NTRK1: variants seen among roughly 807,000 people sequenced by gnomAD.
NTRK1 encodes the protein high affinity nerve growth factor receptor.
Under a neutral mutation model 86.8 loss-of-function variants are expected in NTRK1, and 62 were observed. That is an observed-to-expected ratio of 0.71 (90% CI 0.58 to 0.88). The LOEUF (loss-of-function observed/expected upper bound fraction) is 0.88, where lower values mean the gene tolerates loss of function less well. NTRK1 is among the 40% of genes least tolerant of loss of function. NTRK1 has a pLI of 0.00. For synonymous variants in NTRK1, 469 were observed against 456.6 expected (o/e 1.03, Z -0.35); for missense variants, 967 against 1,078.4 (o/e 0.90, Z 1.45).
intron 1 of NTRK1, among the ~76,000 whole-genome samples, chr1:156,829,756 G>A (rs1654418690): frequency 6.6e-6 from 1 of 152,110 alleles, no homozygotes; most frequent in Non-Finnish European, 1.5e-5. Flanking sequence ...GGTTCTAAGG[G>A]ATTCTCCTAC....
At chr1:156,847,714 G>C (rs1471142873) in intron 2 of NTRK1, among the ~76,000 whole-genome samples, 1 of 152,058 alleles carries the variant, frequency 6.6e-6, no homozygotes, top group African/African-American at 2.4e-5. Flanking sequence ...CAGGTGTCCT[G>C]TGAGGCATGA....
intron 6 of NTRK1, among the ~76,000 whole-genome samples, chr1:156,868,982 A>T (rs540486166): frequency 6.6e-6 from 1 of 150,440 alleles, no homozygotes; most frequent in Non-Finnish European, 1.5e-5. Context: ...AGAGGAACCC[A>T]ACAGACCATC....
intron 8 of NTRK1, 122 bp from the exon 9 acceptor site, chr1:156,874,261 A>G (rs1281296807): frequency 1.4e-6 from 2 of 1,463,422 alleles, no homozygotes; most frequent in Non-Finnish European, 1.9e-6. Flanking sequence ...GCCCACCTCC[A>G]TCCCCCCTCG....
At chr1:156,872,066 G>A (rs975812045) in intron 7 of NTRK1, among the ~76,000 whole-genome samples, 1 of 152,034 alleles carries the variant, frequency 6.6e-6, no homozygotes, top group South Asian at 2.1e-4. Context: ...TCCCTCATCG[G>A]GTCCTTCTCC....
chr1:156,875,119 C>T (rs571020968), intron 11 of NTRK1, 111 bp downstream of exon 11: 116 of 820,054 alleles, frequency 1.4e-4, no homozygotes, highest in East Asian at 1.1e-3. Context: ...AGTTCCAGGG[C>T]GTGTGAGTGT....
At chr1:156,870,253 A>C (rs1387120520) in intron 6 of NTRK1, among the ~76,000 whole-genome samples, 1 of 152,158 alleles carries the variant, frequency 6.6e-6, no homozygotes, top group Non-Finnish European at 1.5e-5. Context: ...CTACCTATAC[A>C]AAAGTCACTC....
intron 2 of NTRK1, chr1:156,845,260 G>A (rs1395101420): frequency 6.2e-7 from 1 of 1,611,992 alleles, no homozygotes; most frequent in East Asian, 2.2e-5. Context: ...CCCCCAGCCG[G>A]AGGGGCCCAG....
intron 12 of NTRK1, 48 bp from the exon 13 acceptor site, chr1:156,876,032 A>C (rs768902933): frequency 6.2e-7 from 1 of 1,613,880 alleles, no homozygotes; most frequent in East Asian, 2.2e-5. Context: ...CTACAACCCC[A>C]GCCCTCCCAA....
rs1654792512 is a variant in NTRK1 at position 156,841,719 on chromosome 1, C to T, written c.-63-362C>T. 7 of 1,614,146 alleles carry T rather than the reference C, an allele frequency of 4.3e-6. No individual in the cohort carries two copies. The East Asian group carries it at 1.6e-4, about 36-fold the overall frequency. ...ATCTTTGAGGGACTCGGGGGCCATC[C>T]AGCGCACGGGCAGCAGCCCCTTCCC... On this transcript the variant is annotated intron_variant, in intron 1 of 16. Transcript: ENST00000392302.
intron 7 of NTRK1, among the ~76,000 whole-genome samples, chr1:156,872,905 C>T (rs1184468421): frequency 6.6e-6 from 1 of 151,988 alleles, no homozygotes; most frequent in Non-Finnish European, 1.5e-5. Flanking sequence ...TCTCGATCTC[C>T]TGACCTCGTG....
At position 156,845,066 on chromosome 1, in the gene NTRK1, G is replaced by T. The variant is rs970525099; in HGVS notation, c.50+2873G>T. 5.6e-6 allele frequency: 9 copies of T among 1,598,944 alleles called. No individual in the cohort carries two copies. The African/African-American group carries it at 9.4e-5, about 17-fold the overall frequency. ...GATGGGGGTAGAAGGTGTGTGTGTG[G>T]ATCACCTACTGTGGGGCATGGTGCG... On this transcript the variant is annotated intron_variant, in intron 2 of 16. Transcript: ENST00000392302.
At chr1:156,849,470 GCCAGGGGACCTTGCTCTGC>G in intron 2 of NTRK1, 1 of 1,269,646 alleles carries the variant, frequency 7.9e-7, no homozygotes, top group Non-Finnish European at 1.1e-6. Context: ...CCTGGGGGAG[GCCAGGGGACCTTGCTCTGC>G]GGGGAGGTGG....
At chr1:156,849,530 G>A (rs1215881201) in intron 2 of NTRK1, 1 of 1,150,368 alleles carries the variant, frequency 8.7e-7, no homozygotes, top group Non-Finnish European at 1.3e-6. Flanking sequence ...GATGGCTTAT[G>A]GGTTCCTCCT....
At chr1:156,846,220 C>A (rs911323993) in intron 2 of NTRK1, 21 of 1,253,614 alleles carry the variant, frequency 1.7e-5, no homozygotes, top group Middle Eastern at 2.0e-4. Context: ...CCTTGTTCTC[C>A]CAAAGAATAG....
At chr1:156,869,241 A>G (rs1008579694) in intron 6 of NTRK1, among the ~76,000 whole-genome samples, 8 of 151,906 alleles carry the variant, frequency 5.3e-5, no homozygotes, top group African/African-American at 1.9e-4. Context: ...CACCATGCCC[A>G]GCTAATTTTT....
intron 8 of NTRK1, 73 bp downstream of exon 8, chr1:156,874,032 C>A (rs41374849): frequency 6.9e-7 from 1 of 1,452,280 alleles, no homozygotes; most frequent in East Asian, 2.5e-5. Flanking sequence ...CCTGCTATAG[C>A]CCTGACCCCA....
chr1:156,874,778 G>C (rs2102911209), intron 10 of NTRK1, 128 bp from the exon 11 acceptor site: 1 of 1,186,844 alleles, frequency 8.4e-7, no homozygotes, highest in Non-Finnish European at 1.3e-6. Context: ...GGGGTCCCCA[G>C]GGGAGGATGA....
intron 7 of NTRK1, 38 bp downstream of exon 7, chr1:156,871,793 T>C (rs1312538747): frequency 2.5e-6 from 4 of 1,613,704 alleles, no homozygotes; most frequent in African/African-American, 2.7e-5. Context: ...CACCCCCTAC[T>C]CATCTCTTCT....
chr1:156,868,539 C>T lies in NTRK1; in HGVS notation c.609C>T (p.Ala203=). The change falls in exon 6 of 17, where the codon GCC becomes GCT. Residue 203 remains alanine (A), a synonymous_variant. Transcript: ENST00000524377. ...CGCTGAAGGTCCAGGTGCCCAATGC[C>T]TCGGTGGATGTGGGGGACGACGTGC... is the stretch of plus-strand genomic sequence containing the variant. ...VPTLKVQVPN[A]SVDVGDDVLL... 6.4e-7 allele frequency: 1 copy of T among 1,559,068 alleles called. No homozygotes were observed. Among genetic ancestry groups the T allele is most frequent in the Non-Finnish European group, 8.7e-7 (1 of 1,151,118 alleles).
Sources: allele counts gnomAD v4.1 joint callset (sites outside exome capture counted in the v4.1 genomes callset), GRCh38; gene constraint gnomAD v4.1.1; transcripts MANE v1.5; gene names NCBI Gene and HGNC (gene_info 2026-07-23, HGNC 2026-07-21).